TKTL1: variants seen among roughly 807,000 people sequenced by gnomAD.
TKTL1 encodes transketolase like 1.
Under a neutral mutation model 39.3 loss-of-function variants are expected in TKTL1, and 1 was observed. The observed-to-expected ratio is 0.03, with a 90% CI of 0.01 to 0.12. TKTL1 has a LOEUF of 0.12. Among genes scored for constraint, TKTL1 ranks in the 10% least tolerant of loss-of-function variants. The pLI is 1.00. For missense variants in TKTL1, 575 were observed against 509.6 expected, an observed-to-expected ratio of 1.13 and a Z score of -1.24; for synonymous variants, 262 against 193.8, an observed-to-expected ratio of 1.35 and a Z score of -2.92.
In TKTL1 at chrX:154,329,712, T is replaced by C; in HGVS notation, c.*24T>C. ...AAAATAGCTGTTAGCTTTGGTCTTT[T>C]GGCCTCTTTACCCTGTGTTTATGTT... is the stretch of plus-strand genomic sequence containing the variant. On this transcript the variant is annotated 3_prime_UTR_variant, in exon 13 of 13. Coordinates refer to ENST00000369915, the MANE Select transcript of TKTL1 (RefSeq NM_012253.4). 2 of 1,200,184 alleles carry C rather than the reference T, an allele frequency of 1.7e-6. No homozygotes were observed. Among genetic ancestry groups the C allele is most frequent in the East Asian group, 5.9e-5 (2 of 33,695 alleles).
chrX:154,315,825 C>T (rs1391427013), intron 7 of TKTL1, among the ~76,000 whole-genome samples: 1 of 112,410 alleles, frequency 8.9e-6, no homozygotes, highest in Non-Finnish European at 1.9e-5. Flanking sequence ...GAGCTGGTGC[C>T]TTAGGCAAAG....
rs972024703 is a variant in TKTL1, at chrX:154,318,131, C to T, written c.1030-2626C>T. Among the ~76,000 whole-genome samples, 5 of 111,137 alleles carry T rather than the reference C, an allele frequency of 4.5e-5. No individual in the cohort carries two copies. The East Asian group carries it at 1.4e-3, about 31-fold the overall frequency. On this transcript the variant is annotated intron_variant, in intron 7 of 12. Coordinates refer to ENST00000369915, the MANE Select transcript of TKTL1 (RefSeq NM_012253.4). ...TCACCCAGGCTGGAATGCAGTGGCA[C>T]AATCATGGCTCCCTGCAGCCTCAAA...
rs782650700 is a variant in TKTL1 at position 154,310,876 on chromosome X, G to A, written c.391G>A (p.Glu131Lys). 1 of 1,211,872 alleles carries A rather than the reference G, an allele frequency of 8.3e-7. No individual in the cohort carries two copies. Among genetic ancestry groups the A allele is most frequent in the Non-Finnish European group, 1.1e-6 (1 of 895,388 alleles). ...FCLMSDGESS[E>K]GSVWEAMAFA... ...CCTCATGAGTGATGGCGAGTCCTCA[G>A]AAGGCTCTGTCTGGGAGGCAATGGC... Residue 131 changes from glutamate to lysine, a missense_variant, in exon 4 of 13, where the codon GAA becomes AAA. By Grantham distance (56) the Glu-to-Lys change is moderately conservative. Coordinates refer to ENST00000369915, the MANE Select transcript of TKTL1 (RefSeq NM_012253.4).
At chrX:154,315,407 G>A (rs782583402) in intron 7 of TKTL1, 70 bp downstream of exon 7, 3 of 1,037,834 alleles carry the variant, frequency 2.9e-6, no homozygotes, top group South Asian at 5.2e-5. Context: ...CCCAGCCTGT[G>A]CTAGTTTTTC....
At chrX:154,306,213 G>C (rs1383006889) in intron 2 of TKTL1, among the ~76,000 whole-genome samples, 1 of 111,720 alleles carries the variant, frequency 9.0e-6, no homozygotes, top group African/African-American at 3.3e-5. Flanking sequence ...GGAGGCTGAG[G>C]CACAAGAATT....
chrX:154,314,134 C>T (rs1338048632), intron 6 of TKTL1, among the ~76,000 whole-genome samples: 5 of 110,810 alleles, frequency 4.5e-5, no homozygotes, highest in Admixed American at 2.9e-4. Flanking sequence ...CCCCAAAGCA[C>T]CAGGCTCACC....
At chrX:154,298,313 C>T (rs1488063409) in intron 1 of TKTL1, among the ~76,000 whole-genome samples, 3 of 110,905 alleles carry the variant, frequency 2.7e-5, no homozygotes, top group African/African-American at 9.9e-5. Flanking sequence ...CTCGTGGGCT[C>T]AAGCGACTCT....
intron 2 of TKTL1, among the ~76,000 whole-genome samples, chrX:154,306,712 A>G (rs933069397): frequency 7.3e-5 from 8 of 109,931 alleles, no homozygotes; most frequent in African/African-American, 2.0e-4. Context: ...TCTCAGCTCA[A>G]TGCACCCCTG....
intron 4 of TKTL1, 27 bp from the exon 5 acceptor site, chrX:154,311,084 T>C: frequency 8.3e-7 from 1 of 1,210,986 alleles, no homozygotes; most frequent in Non-Finnish European, 1.1e-6. Flanking sequence ...TCATCTCTTG[T>C]AACCCAGCCT....
chrX:154,316,535 A>G (rs1303183069), intron 7 of TKTL1, among the ~76,000 whole-genome samples: 1 of 110,983 alleles, frequency 9.0e-6, no homozygotes, highest in Non-Finnish European at 1.9e-5. Flanking sequence ...CCTGTGAAAC[A>G]GCGAGACCCC....
At chrX:154,320,482 C>T (rs900269066) in intron 7 of TKTL1, 10 of 359,057 alleles carry the variant, frequency 2.8e-5, no homozygotes, top group African/African-American at 2.3e-4. Context: ...GATGTCCTGT[C>T]GGGGCATGGA....
rs2067294135 is a variant in TKTL1 at position 154,303,793 on chromosome X, G to A, written c.135-1511G>A. 2.8e-5 allele frequency among the ~76,000 whole-genome samples: 3 copies of A among 109,091 alleles called. 1 individual carries two copies. In the South Asian group the frequency reaches 1.2e-3, roughly 44 times the overall value. 94.7% of individuals were successfully genotyped at this position (109,091 alleles called of 115,157 possible). ...GCACTGAAAATAAGCAAATAGTTAT[G>A]CATTTGTCACTACCGAGTCCTAGCT... On this transcript the variant is annotated intron_variant, in intron 1 of 12. Transcript: ENST00000369915.
chrX:154,323,197 G>T lies in TKTL1; in HGVS notation c.1187-10G>T, dbSNP rs147031881. On this transcript the variant is annotated splice_polypyrimidine_tract_variant and intron_variant, in intron 8 of 12. Coordinates refer to ENST00000369915, the MANE Select transcript of TKTL1 (RefSeq NM_012253.4). ...ATGCTCCTGTTTTCATCGGGCTCTG[G>T]TTCTCTCAGGTGACGATGGTGCTTC... 4.7e-5 allele frequency: 57 copies of T among 1,209,005 alleles called. No individual in the cohort carries two copies. The South Asian group carries it at 1.0e-3, about 21-fold the overall frequency.
intron 1 of TKTL1, 151 bp downstream of exon 1, chrX:154,296,144 G>C (rs1473245446): frequency 2.6e-6 from 2 of 767,723 alleles, no homozygotes; most frequent in East Asian, 3.4e-5. Context: ...TTGGGGCCCG[G>C]TCGAGCACCC....
chrX:154,304,628 G>C (rs1009827518), intron 1 of TKTL1, among the ~76,000 whole-genome samples: 1 of 108,271 alleles, frequency 9.2e-6, no homozygotes, highest in Admixed American at 9.7e-5. Context: ...ATGGGGGAGG[G>C]ACAGTCCCCA....
chrX:154,317,229 A>C (rs1367036954), intron 7 of TKTL1, among the ~76,000 whole-genome samples: 6 of 112,127 alleles, frequency 5.4e-5, no homozygotes, highest in Admixed American at 2.8e-4. Context: ...GTTGGAAAAA[A>C]GTTGTAAAGA....
intron 1 of TKTL1, chrX:154,304,995 T>C: frequency 9.7e-7 from 1 of 1,036,120 alleles, no homozygotes; most frequent in Non-Finnish European, 1.3e-6. Context: ...TTCCTCGGCA[T>C]GTGGAAAGGC....
chrX:154,309,314 G>A (rs782160252), intron 2 of TKTL1, 31 bp from the exon 3 acceptor site: 22 of 1,152,014 alleles, frequency 1.9e-5, no homozygotes, highest in South Asian at 3.6e-5. Context: ...CTGCAGCTGC[G>A]TCTGGGCTCA....
At chrX:154,317,519 C>T (rs368205265) in intron 7 of TKTL1, among the ~76,000 whole-genome samples, 11 of 112,286 alleles carry the variant, frequency 9.8e-5, no homozygotes, top group African/African-American at 2.3e-4. Flanking sequence ...CCAGGTCATA[C>T]GGGGTCTTAT....
Sources: allele counts gnomAD v4.1 joint callset (sites outside exome capture counted in the v4.1 genomes callset), GRCh38; gene constraint gnomAD v4.1.1; transcripts MANE v1.5; gene names NCBI Gene and HGNC (gene_info 2026-07-23, HGNC 2026-07-21).